The following ELFN1 variants were observed in gnomAD, a reference collection of about 807,000 sequenced individuals.
ELFN1 encodes extracellular leucine rich repeat and fibronectin type III domain containing 1.
Under a neutral mutation model 7.6 loss-of-function variants are expected in ELFN1, and 6 were observed. The observed-to-expected ratio is 0.79, with a 90% confidence interval of 0.43 to 1.56. The LOEUF is 1.56. Among genes scored for constraint, ELFN1 ranks in the 40% most tolerant of loss-of-function variants. ELFN1 has a pLI of 0.01. For missense variants in ELFN1, 1,169 were observed against 1,232.2 expected, an observed-to-expected ratio of 0.95 and a Z score of 0.77; for synonymous variants, 657 against 588.1, an observed-to-expected ratio of 1.12 and a Z score of -1.70.
At chr7:1,736,441 G>A (rs73670625) in intron 3 of ELFN1, among the ~76,000 whole-genome samples, 2,935 of 152,292 alleles carry the variant, frequency 0.019, 95 homozygotes, top group African/African-American at 0.067. Flanking sequence ...ATGCACGCCC[G>A]TCCCAGCACG....
At chr7:1,738,450 GT>G (rs777118966) in intron 3 of ELFN1, among the ~76,000 whole-genome samples, 5 of 152,154 alleles carry the variant, frequency 3.3e-5, no homozygotes, top group Non-Finnish European at 7.3e-5. Context: ...CAAACATGAA[GT>G]GGATGGCCGG....
Position 1,745,496 on chromosome 7 carries a change from C to T in ELFN1, c.900C>T (p.Thr300=). 2 of 1,544,138 alleles carry T rather than the reference C, an allele frequency of 1.3e-6. No individual in the cohort carries two copies. Among genetic ancestry groups the T allele is most frequent in the Non-Finnish European group, 1.7e-6 (2 of 1,146,778 alleles). ...ATGAGTGCTTCTCCGGGGACGGCAC[C>T]ACGCCACTGGTGGCCCTGCCCACGC... is the stretch of plus-strand genomic sequence containing the variant. ...ADDECFSGDG[T]TPLVALPTLA... The change falls in exon 4 of 4, where the codon ACC becomes ACT. Residue 300 remains threonine, a synonymous_variant. Transcript: ENST00000424383.
At chr7:1,697,584 G>T (rs1779345498) in intron 2 of ELFN1, among the ~76,000 whole-genome samples, 2 of 152,118 alleles carry the variant, frequency 1.3e-5, no homozygotes, top group Admixed American at 6.5e-5. Context: ...CGCACCCAGG[G>T]GTACAATTGG....
chr7:1,744,521 T>A lies in ELFN1; in HGVS notation c.-76T>A. 1 of 1,398,024 alleles carries A rather than the reference T, an allele frequency of 7.2e-7. No homozygotes were observed. Among genetic ancestry groups the A allele is most frequent in the Non-Finnish European group, 9.3e-7 (1 of 1,071,092 alleles). 86.6% of individuals were successfully genotyped at this position (1,398,024 alleles called of 1,614,324 possible). A position where few individuals can be genotyped will look rare whatever the true frequency, so the allele number is the denominator to read the frequency against. ...CCTCCCCCTCCCGCCCCTCCATCCC[T>A]CTGGGGGCTGGCGCCTGGCCCCCCA... On this transcript the variant is annotated 5_prime_UTR_variant, in exon 4 of 4. Transcript: ENST00000424383.
rs544433844 is a variant in ELFN1, at chr7:1,744,414, C to G, written c.-183C>G. 146 of 643,626 alleles carry G rather than the reference C, an allele frequency of 2.3e-4. No homozygotes were observed. The African/African-American group carries it at 2.5e-3, about 11-fold the overall frequency. The allele number at this position is 643,626 out of a possible 1,614,324, so 39.9% of individuals were successfully genotyped here. ...GGGCGGAAGACGAGAGGCGGCCGGCCGTGAGGGAGGCGCCCTCCCTCCCCG... is the reference window on the plus strand; with the variant it reads ...GGGCGGAAGACGAGAGGCGGCCGGCGGTGAGGGAGGCGCCCTCCCTCCCCG... On this transcript the variant is annotated 5_prime_UTR_variant, in exon 4 of 4. Transcript: ENST00000424383.
chr7:1,689,583 C>G (rs1271830180), intron 2 of ELFN1, among the ~76,000 whole-genome samples: 3 of 152,190 alleles, frequency 2.0e-5, no homozygotes, highest in African/African-American at 7.2e-5. Flanking sequence ...ACTACAGACC[C>G]TTGAGATGCT....
At chr7:1,675,607 G>A (rs1319482221) in intron 1 of ELFN1, among the ~76,000 whole-genome samples, 3 of 152,198 alleles carry the variant, frequency 2.0e-5, no homozygotes, top group Non-Finnish European at 2.9e-5. Context: ...TGAGAATCCC[G>A]CCCGGCTTCC....
Position 1,673,242 on chromosome 7 carries a change from A to G in ELFN1, c.-549+2888A>G, listed in dbSNP as rs1778802777. Among the ~76,000 whole-genome samples the G allele has an allele frequency of 6.6e-6, 1 of 152,144 alleles. No individual in the cohort carries two copies. Among genetic ancestry groups the G allele is most frequent in the Admixed American group, 6.5e-5 (1 of 15,278 alleles). ...CGCCATCCATTCCAGCACCAGCTGT[A>G]CAGATGGGGAGACTGAGGCCCGGAT... On this transcript the variant is annotated intron_variant, in intron 1 of 3. Coordinates refer to ENST00000424383, the MANE Select transcript of ELFN1 (RefSeq NM_001128636.4). The surrounding 1 kb of genome is among the most constrained non-coding windows in gnomAD (Gnocchi z 4.7).
chr7:1,677,645 GC>G (rs1554245979), intron 1 of ELFN1, among the ~76,000 whole-genome samples: 3 of 151,994 alleles, frequency 2.0e-5, no homozygotes, highest in Admixed American at 6.6e-5. Context: ...CACCCTCCTG[GC>G]CCCCCCACCC....
intron 3 of ELFN1, among the ~76,000 whole-genome samples, chr7:1,717,345 G>A (rs535818459): frequency 9.2e-5 from 14 of 152,308 alleles, no homozygotes; most frequent in African/African-American, 1.4e-4. Context: ...TGGCCTGGCC[G>A]CTTGCAGCAT....
In ELFN1 at chr7:1,745,382, C is replaced by G; in HGVS notation, c.786C>G (p.Pro262=). The change falls in exon 4 of 4, where the codon CCC becomes CCG. Residue 262 remains proline, a synonymous_variant. Transcript: ENST00000424383. ...CGTACGCGGCTGAGGTGGTCGGGCC[C>G]CCACGTCCAGCATCCGGGCGCTCAC... ...EDSYAAEVVG[P]PRPASGRSQP... 1 of 1,539,000 alleles carries G rather than the reference C, an allele frequency of 6.5e-7. No homozygotes were observed. The highest frequency in any genetic ancestry group is 8.7e-7 in the Non-Finnish European group (1 of 1,145,820).
intron 1 of ELFN1, among the ~76,000 whole-genome samples, chr7:1,675,668 CA>C (rs1583307006): frequency 6.6e-6 from 1 of 152,250 alleles, no homozygotes; most frequent in African/African-American, 2.4e-5. Flanking sequence ...GGGGGCTCCC[CA>C]GACCCTCGGC....
chr7:1,677,802 G>A (rs933146129), intron 1 of ELFN1, among the ~76,000 whole-genome samples: 2 of 151,876 alleles, frequency 1.3e-5, no homozygotes, highest in South Asian at 2.1e-4. Flanking sequence ...AAATTCAGTC[G>A]AGCGGATGGA....
At chr7:1,719,456 C>G (rs1779949426) in intron 3 of ELFN1, among the ~76,000 whole-genome samples, 1 of 152,220 alleles carries the variant, frequency 6.6e-6, no homozygotes, top group Non-Finnish European at 1.5e-5. Flanking sequence ...CCGTCTAATT[C>G]CCGCTTCCGC....
intron 3 of ELFN1, among the ~76,000 whole-genome samples, chr7:1,744,053 G>A (rs762706239): frequency 4.6e-5 from 7 of 152,182 alleles, no homozygotes; most frequent in African/African-American, 9.7e-5. Flanking sequence ...AACTGAGGCC[G>A]AGAGCCGAGG....
intron 3 of ELFN1, among the ~76,000 whole-genome samples, chr7:1,734,671 G>A (rs1780398681): frequency 6.6e-6 from 1 of 152,096 alleles, no homozygotes; most frequent in Admixed American, 6.5e-5. Context: ...GCATATTCTG[G>A]GGTGAGGCAG....
intron 3 of ELFN1, among the ~76,000 whole-genome samples, chr7:1,726,759 C>T (rs1780208374): frequency 6.6e-6 from 1 of 152,178 alleles, no homozygotes; most frequent in Non-Finnish European, 1.5e-5. Context: ...GTCCCAGCCT[C>T]AGGTGGGACA....
chr7:1,667,931 G>A (rs1055430941), upstream of ELFN1, among the ~76,000 whole-genome samples: 1 of 145,600 alleles, frequency 6.9e-6, no homozygotes, highest in Non-Finnish European at 1.5e-5. The surrounding 1 kb of genome is among the most constrained non-coding windows in gnomAD (Gnocchi z 8.2). Context: ...CCGGGGACTC[G>A]GTCGCAGCCG....
chr7:1,745,815 G>C lies in ELFN1; in HGVS notation c.1219G>C (p.Gly407Arg), dbSNP rs775064972. ...CTTGCCCCGGCTGCCCAGCCCGCCT[G>C]GTCCGGTGCCCAGCCCCTCCACGGC... Reference protein sequence around the residue: ...ICLPRLPSPPGPVPSPSTATH... With the variant: ...ICLPRLPSPPRPVPSPSTATH... Residue 407 changes from glycine (G) to arginine (R), a missense_variant, in exon 4 of 4, where the codon GGT becomes CGT. Physicochemically the swap from Gly to Arg is moderately radical, Grantham distance 125 (BLOSUM62 -2). Transcript: ENST00000424383. 7.7e-6 allele frequency: 12 copies of C among 1,567,466 alleles called. No homozygotes were observed. In the African/African-American group the frequency reaches 1.5e-4, roughly 20 times the overall value.
Sources: allele counts gnomAD v4.1 joint callset (sites outside exome capture counted in the v4.1 genomes callset), GRCh38; gene constraint gnomAD v4.1.1; non-coding constraint Gnocchi (gnomAD v3.1); transcripts MANE v1.5; gene names NCBI Gene and HGNC (gene_info 2026-07-23, HGNC 2026-07-21).